SLC13A1: variants seen among roughly 807,000 people sequenced by gnomAD.
SLC13A1 encodes the protein Na(+)/sulfate cotransporter.
A neutral mutation model predicts 70.0 loss-of-function variants in SLC13A1; 65 were observed. That is an observed-to-expected ratio of 0.93 (90% CI 0.76 to 1.14). The LOEUF is 1.14. Among genes scored for constraint, SLC13A1 ranks in the 50% most tolerant of loss-of-function variants. The pLI, the probability that SLC13A1 is intolerant of heterozygous loss-of-function variation, is 0.00. For synonymous variants in SLC13A1, 275 were observed against 250.5 expected (o/e 1.10, Z -0.92); for missense variants, 726 against 717.8 (o/e 1.01, Z -0.13).
chr7:123,158,372 T>A (rs949963577), intron 6 of SLC13A1, among the ~76,000 whole-genome samples: 2 of 151,704 alleles, frequency 1.3e-5, no homozygotes, highest in Non-Finnish European at 2.9e-5. Flanking sequence ...AGTAAATAGG[T>A]CAAAATAGAC....
chr7:123,159,241 C>G (rs1794808469), intron 6 of SLC13A1, among the ~76,000 whole-genome samples: 1 of 152,040 alleles, frequency 6.6e-6, no homozygotes, highest in Non-Finnish European at 1.5e-5. Context: ...TTATGTCTCT[C>G]AATATTCGTA....
At chr7:123,161,304 A>G (rs1188020053) in intron 6 of SLC13A1, among the ~76,000 whole-genome samples, 1 of 151,306 alleles carries the variant, frequency 6.6e-6, no homozygotes, top group Non-Finnish European at 1.5e-5. Context: ...ATAATCTTTA[A>G]AAGCACAAGA....
intron 6 of SLC13A1, among the ~76,000 whole-genome samples, chr7:123,167,136 C>T (rs1281362737): frequency 3.9e-5 from 6 of 152,248 alleles, no homozygotes; most frequent in African/African-American, 1.2e-4. Context: ...GTCAGTGTGG[C>T]GATTCCTCAG....
At chr7:123,123,892 C>G (rs1380997682) in intron 11 of SLC13A1, among the ~76,000 whole-genome samples, 1 of 151,908 alleles carries the variant, frequency 6.6e-6, no homozygotes, top group Non-Finnish European at 1.5e-5. Context: ...CATATTCTGC[C>G]CATTTAACTT....
intron 11 of SLC13A1, 133 bp downstream of exon 11, chr7:123,125,436 A>T (rs559499351): frequency 1.6e-6 from 1 of 637,804 alleles, no homozygotes; most frequent in South Asian, 1.9e-5. Context: ...GCAGTTTGCA[A>T]ATAGGGCATG....
At chr7:123,188,733 T>C (rs1795898480) in intron 1 of SLC13A1, among the ~76,000 whole-genome samples, 1 of 152,218 alleles carries the variant, frequency 6.6e-6, no homozygotes, top group African/African-American at 2.4e-5. Flanking sequence ...ATTAGCTTTA[T>C]TGTATTTTTA....
At chr7:123,171,928 A>G (rs1166407733) in intron 2 of SLC13A1, 24 bp from the exon 3 acceptor site, 1 of 1,604,312 alleles carries the variant, frequency 6.2e-7, no homozygotes. Flanking sequence ...TAAACCCGTG[A>G]TTATTTACTT....
chr7:123,125,598 A>G lies in SLC13A1; in HGVS notation c.1211T>C (p.Leu404Pro). The G allele has an allele frequency of 1.9e-6, 3 of 1,612,312 alleles. No homozygotes were observed. The highest frequency in any genetic ancestry group is 1.7e-6 in the Non-Finnish European group (2 of 1,178,974). Residue 404 changes from leucine (L) to proline (P), a missense_variant, in exon 11 of 15, where the codon CTG (leucine) becomes CCG (proline). Transcript: ENST00000194130. Reference protein sequence around the residue: ...LLFFLIPAKTLTKTTPTGEIV... With the variant: ...LLFFLIPAKTPTKTTPTGEIV... Reference sequence around the variant, plus strand: ...TTCTCCTGTAGGTGTAGTTTTAGTCAGTGTCTTAGCTGGGATAAGAAAGAA... The same window carrying G: ...TTCTCCTGTAGGTGTAGTTTTAGTCGGTGTCTTAGCTGGGATAAGAAAGAA...
At chr7:123,192,912 T>C (rs1796047072) in intron 1 of SLC13A1, among the ~76,000 whole-genome samples, 1 of 152,126 alleles carries the variant, frequency 6.6e-6, no homozygotes, top group South Asian at 2.1e-4. Context: ...TTTTTTCTTT[T>C]CTTTTTTTTT....
At chr7:123,165,230 T>C (rs80109003) in intron 6 of SLC13A1, among the ~76,000 whole-genome samples, 5,796 of 152,178 alleles carry the variant, frequency 0.038, 365 homozygotes, top group African/African-American at 0.13. Context: ...CTTTCATGCA[T>C]GTCTTATAAA....
intron 6 of SLC13A1, among the ~76,000 whole-genome samples, chr7:123,147,884 A>T (rs1484455382): frequency 6.6e-6 from 1 of 151,924 alleles, no homozygotes; most frequent in Non-Finnish European, 1.5e-5. Context: ...TTTCCTTCTC[A>T]CCACTACTCC....
intron 6 of SLC13A1, among the ~76,000 whole-genome samples, chr7:123,151,920 T>C (rs1460168728): frequency 6.6e-6 from 1 of 152,144 alleles, no homozygotes. Flanking sequence ...ACATTATCTC[T>C]GGCCTAGGTT....
intron 11 of SLC13A1, 72 bp from the exon 12 acceptor site, chr7:123,123,307 A>C: frequency 1.1e-6 from 1 of 928,458 alleles, no homozygotes; most frequent in Non-Finnish European, 1.8e-6. Context: ...CAGCATCCTA[A>C]GTAGCCATCT....
chr7:123,147,880 T>G (rs1454063986), intron 6 of SLC13A1, among the ~76,000 whole-genome samples: 1 of 152,126 alleles, frequency 6.6e-6, no homozygotes. Flanking sequence ...TGTCTTTCCT[T>G]CTCACCACTA....
chr7:123,147,842 TC>T (rs1312572456), intron 6 of SLC13A1, among the ~76,000 whole-genome samples: 2 of 152,142 alleles, frequency 1.3e-5, no homozygotes, highest in African/African-American at 4.8e-5. Flanking sequence ...CATCCTTCTT[TC>T]TTGTCTCTTA....
chr7:123,175,781 A>G lies in SLC13A1; in HGVS notation c.229-3877T>C, dbSNP rs149791196. 1.4e-4 allele frequency among the ~76,000 whole-genome samples: 22 copies of G among 152,326 alleles called. No individual in the cohort carries two copies. In the East Asian group the frequency reaches 3.9e-3, roughly 27 times the overall value. ...ATTTTACCAATACTCTGAGAATTAA[A>G]TAAAAGAATAAATGCAGAATTACTT... On this transcript the variant is annotated intron_variant, in intron 2 of 14. Coordinates refer to ENST00000194130, the MANE Select transcript of SLC13A1 (RefSeq NM_022444.4).
At chr7:123,189,047 G>A (rs1387236499) in intron 1 of SLC13A1, among the ~76,000 whole-genome samples, 31 of 143,040 alleles carry the variant, frequency 2.2e-4, no homozygotes, top group African/African-American at 7.5e-4. Context: ...CCCGGGAGGC[G>A]GAGCTTGCAG....
At chr7:123,124,899 A>G (rs1403648346) in intron 11 of SLC13A1, among the ~76,000 whole-genome samples, 1 of 152,096 alleles carries the variant, frequency 6.6e-6, no homozygotes, top group African/African-American at 2.4e-5. Context: ...CCTGGGCTCA[A>G]GTGATCCTCC....
At chr7:123,165,170 A>G (rs1795029096) in intron 6 of SLC13A1, among the ~76,000 whole-genome samples, 1 of 152,118 alleles carries the variant, frequency 6.6e-6, no homozygotes, top group Non-Finnish European at 1.5e-5. Flanking sequence ...ATATACCTAT[A>G]ATTGTTAAAA....
Sources: gnomAD v4.1 joint callset for allele counts (sites outside exome capture counted in the v4.1 genomes callset) on GRCh38, gnomAD v4.1.1 for gene constraint, MANE v1.5 for transcripts, NCBI Gene and HGNC (gene_info 2026-07-23, HGNC 2026-07-21) for gene names.